RORA: variants seen among roughly 807,000 people sequenced by gnomAD.
RORA encodes the protein RAR related orphan receptor A.
RORA carries 7 observed loss-of-function variants against 69.5 expected under a neutral mutation model. The ratio of observed to expected loss-of-function variants is 0.10; its 90% CI spans 0.06 to 0.19. The LOEUF is 0.19. Ranked by LOEUF, RORA falls within the 10% of genes least tolerant of loss-of-function variation. The probability of loss-of-function intolerance (pLI) is 1.00; values close to 1 mark genes in which losing one functional copy is unlikely to be tolerated. For synonymous variants in RORA, 261 were observed against 240.8 expected, an observed-to-expected ratio of 1.08 and a Z score of -0.78; for missense variants, 457 against 663.0, an observed-to-expected ratio of 0.69 and a Z score of 3.41.
At chr15:61,023,819 A>C (rs908156380) in intron 1 of RORA, among the ~76,000 whole-genome samples, 6 of 152,202 alleles carry the variant, frequency 3.9e-5, no homozygotes, top group Non-Finnish European at 2.9e-5. Context: ...TCATCATTTC[A>C]CATGGGATGA....
At chr15:60,603,924 C>T (rs990068067) in intron 2 of RORA, among the ~76,000 whole-genome samples, 6 of 152,056 alleles carry the variant, frequency 3.9e-5, no homozygotes, top group African/African-American at 1.2e-4. Flanking sequence ...CACCTGAGGT[C>T]GGGAGTTTGA....
intron 2 of RORA, among the ~76,000 whole-genome samples, chr15:60,553,170 C>T (rs2067270414): frequency 6.6e-6 from 1 of 152,110 alleles, no homozygotes; most frequent in South Asian, 2.1e-4. Flanking sequence ...TTTATCTGAT[C>T]CCAGATAATA....
chr15:60,661,341 G>A (rs2070301652), intron 2 of RORA, among the ~76,000 whole-genome samples: 1 of 152,306 alleles, frequency 6.6e-6, no homozygotes, highest in South Asian at 2.1e-4. Flanking sequence ...CCTGGCCCAA[G>A]AGTGAGTTAC....
intron 1 of RORA, among the ~76,000 whole-genome samples, chr15:61,181,860 TG>T (rs2079689925): frequency 6.6e-6 from 1 of 152,136 alleles, no homozygotes; most frequent in Non-Finnish European, 1.5e-5. Context: ...AATCTGAGAT[TG>T]GGTAACTAAA....
intron 1 of RORA, among the ~76,000 whole-genome samples, chr15:60,756,231 A>C (rs2071800021): frequency 6.6e-6 from 1 of 152,208 alleles, no homozygotes; most frequent in South Asian, 2.1e-4. Context: ...GGCATCACCT[A>C]CCTGTGCTCA....
At chr15:61,038,284 T>C (rs1896564250) in intron 1 of RORA, among the ~76,000 whole-genome samples, 1 of 152,190 alleles carries the variant, frequency 6.6e-6, no homozygotes, top group Admixed American at 6.5e-5. Flanking sequence ...AGAGTTTTTT[T>C]CTTCTTATAT....
In RORA at chr15:60,604,661, T is replaced by C. The variant is rs567802004; in HGVS notation, c.197-72810A>G. On this transcript the variant is annotated intron_variant, in intron 2 of 10. Coordinates refer to ENST00000335670, the MANE Select transcript of RORA (RefSeq NM_134261.3). ...TACATAGATGTTGAGTAAATATTTG[T>C]TGAATCAGTGAATACTTCTTTGAAA... Among the ~76,000 whole-genome samples the C allele has an allele frequency of 5.9e-5, 9 of 152,326 alleles. No homozygotes were observed. The South Asian group carries it at 1.7e-3, about 28-fold the overall frequency.
At chr15:60,687,561 C>T (rs889190040) in intron 1 of RORA, among the ~76,000 whole-genome samples, 1 of 152,124 alleles carries the variant, frequency 6.6e-6, no homozygotes, top group African/African-American at 2.4e-5. Flanking sequence ...ACCAGCCTGG[C>T]CAACATGGTG....
rs1309625325 is a variant in RORA, at chr15:60,492,537, T to C, written c.*4918A>G. 1.3e-5 allele frequency: 2 copies of C among 152,192 alleles called. No individual in the cohort carries two copies. Among genetic ancestry groups the C allele is most frequent in the African/African-American group, 2.4e-5 (1 of 41,466 alleles). 9.4% of individuals were successfully genotyped at this position (152,192 alleles called of 1,614,324 possible). ...AAAAACATATTTCATCTTTTACCTA[T>C]ATCACTGTACTGATAGGCAGGTCTC... is the stretch of plus-strand genomic sequence containing the variant. On this transcript the variant is annotated 3_prime_UTR_variant, in exon 11 of 11. Coordinates refer to ENST00000335670, the MANE Select transcript of RORA (RefSeq NM_134261.3).
In RORA at chr15:60,842,714, G is replaced by C. The variant is rs2073215292; in HGVS notation, c.167-164028C>G. 2.1e-5 allele frequency among the ~76,000 whole-genome samples: 3 copies of C among 142,984 alleles called. No individual in the cohort carries two copies. In the South Asian group the frequency reaches 6.8e-4, roughly 33 times the overall value. 93.8% of individuals were successfully genotyped at this position (142,984 alleles called of 152,430 possible). On this transcript the variant is annotated intron_variant, in intron 1 of 10. Transcript: ENST00000335670. Reference sequence around the variant, plus strand: ...CACCCCTCCCCCGACCCTCCACACAGGTCCTGGGCTGTCATGGTCACCCCC... The same window carrying C: ...CACCCCTCCCCCGACCCTCCACACACGTCCTGGGCTGTCATGGTCACCCCC...
chr15:61,007,740 CATT>C (rs1894954165), intron 1 of RORA, among the ~76,000 whole-genome samples: 1 of 147,862 alleles, frequency 6.8e-6, no homozygotes, highest in Admixed American at 6.8e-5. Context: ...TTTTATATAA[CATT>C]AGCCTAATGT....
chr15:60,603,810 A>G (rs2068876112), intron 2 of RORA, among the ~76,000 whole-genome samples: 1 of 152,184 alleles, frequency 6.6e-6, no homozygotes, highest in South Asian at 2.1e-4. Flanking sequence ...GTGCTTGGGG[A>G]TCATTTTAAA....
intron 1 of RORA, among the ~76,000 whole-genome samples, chr15:60,858,107 G>A (rs961400079): frequency 6.6e-6 from 1 of 152,176 alleles, no homozygotes; most frequent in Non-Finnish European, 1.5e-5. Flanking sequence ...GTTATTGCAG[G>A]GCCTGTTGCC....
At chr15:61,176,488 AT>A (rs1157100359) in intron 1 of RORA, 3 of 76,322 alleles carry the variant, frequency 3.9e-5, no homozygotes, top group African/African-American at 6.9e-5. Flanking sequence ...TTTTACTTTC[AT>A]GTTTCAGAGA....
At chr15:60,760,146 T>A (rs1238573325) in intron 1 of RORA, among the ~76,000 whole-genome samples, 4 of 152,186 alleles carry the variant, frequency 2.6e-5, no homozygotes, top group African/African-American at 9.6e-5. Flanking sequence ...TAAAATATTT[T>A]TTTTTTTCAA....
intron 1 of RORA, among the ~76,000 whole-genome samples, chr15:60,883,117 A>G (rs1484535609): frequency 2.3e-5 from 3 of 128,174 alleles, no homozygotes; most frequent in Non-Finnish European, 4.8e-5. Flanking sequence ...GGCGACAGAG[A>G]GAGACATCGT....
chr15:61,124,602 A>G (rs1367278413), intron 1 of RORA, among the ~76,000 whole-genome samples: 3 of 152,218 alleles, frequency 2.0e-5, no homozygotes, highest in African/African-American at 4.8e-5. Context: ...TGCCTTGTCT[A>G]TATTTATTTA....
At chr15:60,636,170 A>C (rs757763957) in intron 2 of RORA, among the ~76,000 whole-genome samples, 14 of 152,204 alleles carry the variant, frequency 9.2e-5, no homozygotes, top group Admixed American at 3.3e-4. Context: ...GTCCCACAGA[A>C]ACCACTTCTT....
At chr15:60,671,797 C>T (rs748843766) in intron 2 of RORA, among the ~76,000 whole-genome samples, 57 of 151,462 alleles carry the variant, frequency 3.8e-4, no homozygotes, top group Middle Eastern at 6.8e-3. Flanking sequence ...TTTTTAGTAG[C>T]GATGGAGTTT....
Sources: allele counts gnomAD v4.1 joint callset (sites outside exome capture counted in the v4.1 genomes callset), GRCh38; gene constraint gnomAD v4.1.1; transcripts MANE v1.5; gene names NCBI Gene and HGNC (gene_info 2026-07-23, HGNC 2026-07-21).